Variants in LPAR1 observed in about 807,000 individuals in gnomAD.
LPAR1 encodes lysophosphatidic acid receptor 1, also known as LPA receptor 1.
In LPAR1, 5 loss-of-function variants were observed where a neutral mutation model predicts 23.8. That is an observed-to-expected ratio of 0.21 (90% CI 0.11 to 0.44). LPAR1 has a LOEUF of 0.44. LPAR1 is among the 20% of genes least tolerant of loss of function. The probability of loss-of-function intolerance (pLI) is 0.99; values close to 1 mark genes in which losing one functional copy is unlikely to be tolerated. For synonymous variants in LPAR1, 160 were observed against 164.7 expected (o/e 0.97, Z 0.22); for missense variants, 311 against 482.8 (o/e 0.64, Z 3.33).
chr9:111,024,596 C>T (rs905957233), intron 2 of LPAR1, among the ~76,000 whole-genome samples: 2 of 148,924 alleles, frequency 1.3e-5, no homozygotes, highest in Non-Finnish European at 3.0e-5. Context: ...TTCTGGGATA[C>T]ATGTGCAGGT....
chr9:110,928,062 T>C (rs1426674324), intron 5 of LPAR1, among the ~76,000 whole-genome samples: 2 of 152,144 alleles, frequency 1.3e-5, no homozygotes, highest in East Asian at 3.8e-4. Flanking sequence ...TGTCCCATGA[T>C]CTCAATAAGC....
intron 5 of LPAR1, among the ~76,000 whole-genome samples, chr9:110,888,086 G>A (rs2082897330): frequency 6.6e-6 from 1 of 152,024 alleles, no homozygotes; most frequent in Admixed American, 6.6e-5. Flanking sequence ...CCTTAATGGA[G>A]GATAAAATTC....
chr9:111,001,827 T>C (rs2097133776), intron 2 of LPAR1, among the ~76,000 whole-genome samples: 2 of 152,158 alleles, frequency 1.3e-5, no homozygotes, highest in Admixed American at 1.3e-4. Context: ...TTCCTTCCCC[T>C]CCAAAGAAAG....
At chr9:110,991,971 A>T (rs908539008) in intron 2 of LPAR1, among the ~76,000 whole-genome samples, 14 of 148,128 alleles carry the variant, frequency 9.5e-5, no homozygotes, top group Admixed American at 9.0e-4. Flanking sequence ...TTCTGGATAA[A>T]ACTAACTTAA....
intron 5 of LPAR1, among the ~76,000 whole-genome samples, chr9:110,887,260 T>C (rs1455343847): frequency 1.3e-5 from 2 of 151,958 alleles, no homozygotes; most frequent in African/African-American, 4.8e-5. Context: ...TTTCTTACTA[T>C]CAAAATGGGG....
intron 2 of LPAR1, among the ~76,000 whole-genome samples, chr9:110,998,863 T>C (rs2097074003): frequency 6.6e-6 from 1 of 152,340 alleles, no homozygotes; most frequent in East Asian, 1.9e-4. Flanking sequence ...AATGCATAGA[T>C]AGATTTCTTA....
chr9:110,886,364 CAA>C (rs3030132), intron 5 of LPAR1, among the ~76,000 whole-genome samples: 1 of 112,798 alleles, frequency 8.9e-6, no homozygotes. Context: ...AACTCCATCT[CAA>C]AAAAAAAAAA....
At chr9:110,938,958 G>C (rs1382551715) in intron 5 of LPAR1, among the ~76,000 whole-genome samples, 1 of 152,168 alleles carries the variant, frequency 6.6e-6, no homozygotes, top group Non-Finnish European at 1.5e-5. Flanking sequence ...CTATGAGATA[G>C]CCCTGCTCTG....
chr9:110,886,067 G>A (rs1029750163), intron 5 of LPAR1, among the ~76,000 whole-genome samples: 6 of 152,060 alleles, frequency 3.9e-5, no homozygotes, highest in Non-Finnish European at 7.4e-5. Context: ...GTGTGATGGC[G>A]GGTGCCTGTA....
intron 2 of LPAR1, among the ~76,000 whole-genome samples, chr9:111,016,475 T>C (rs952425388): frequency 6.6e-6 from 1 of 152,190 alleles, no homozygotes; most frequent in Non-Finnish European, 1.5e-5. Context: ...TCTTGCAAAC[T>C]CTGGCCAAAG....
At chr9:110,947,246 T>TTA (rs1398104989) in intron 4 of LPAR1, among the ~76,000 whole-genome samples, 1 of 152,156 alleles carries the variant, frequency 6.6e-6, no homozygotes, top group Non-Finnish European at 1.5e-5. Context: ...AAAAAGCTCA[T>TTA]TATAAAATCC....
At chr9:110,965,926 C>T (rs570861620) in intron 4 of LPAR1, among the ~76,000 whole-genome samples, 1 of 152,310 alleles carries the variant, frequency 6.6e-6, no homozygotes, top group South Asian at 2.1e-4. Flanking sequence ...ACATATACAC[C>T]ATGGAATACT....
chr9:110,960,365 T>C (rs1270346780), intron 4 of LPAR1, among the ~76,000 whole-genome samples: 1 of 152,196 alleles, frequency 6.6e-6, no homozygotes. Flanking sequence ...AAGCCTACTA[T>C]ATATTTTTTA....
intron 2 of LPAR1, among the ~76,000 whole-genome samples, chr9:111,021,519 T>C (rs938145120): frequency 2.0e-5 from 3 of 152,226 alleles, no homozygotes; most frequent in Non-Finnish European, 4.4e-5. Context: ...ATGTGGAATA[T>C]ATATAACTTA....
chr9:110,998,318 G>A (rs1469853509), intron 2 of LPAR1, among the ~76,000 whole-genome samples: 1 of 152,136 alleles, frequency 6.6e-6, no homozygotes, highest in African/African-American at 2.4e-5. Flanking sequence ...TGGCAGAAAA[G>A]GCAAATTTGG....
At chr9:110,911,707 T>G (rs945634886) in intron 5 of LPAR1, among the ~76,000 whole-genome samples, 2 of 152,222 alleles carry the variant, frequency 1.3e-5, no homozygotes, top group African/African-American at 4.8e-5. Flanking sequence ...ATGCACATAC[T>G]TTTTTAAGAC....
chr9:111,016,944 A>C (rs1261956571), intron 2 of LPAR1, among the ~76,000 whole-genome samples: 1 of 152,182 alleles, frequency 6.6e-6, no homozygotes, highest in Admixed American at 6.5e-5. Context: ...GTAAGATTGT[A>C]TTTGGAGACA....
At position 110,891,537 on chromosome 9, in the gene LPAR1, C is replaced by T. The variant is rs567265113; in HGVS notation, c.794-15815G>A. Among the ~76,000 whole-genome samples, 18 of 152,152 alleles carry T rather than the reference C, an allele frequency of 1.2e-4. No individual in the cohort carries two copies. The South Asian group carries it at 3.7e-3, about 32-fold the overall frequency. On this transcript the variant is annotated intron_variant, in intron 5 of 5. Coordinates refer to ENST00000683809, the MANE Select transcript of LPAR1 (RefSeq NM_001351411.2). ...AGGAGGATAAACGAGATTAGTGGCA[C>T]ACATTAAAATCTAAAAACGGATCTC...
At position 110,938,592 on chromosome 9, in the gene LPAR1, G is replaced by A. The variant is rs141498060; in HGVS notation, c.793+2829C>T. Among the ~76,000 whole-genome samples the A allele has an allele frequency of 1.8e-3, 280 of 151,998 alleles. 2 individuals are homozygous for A. The highest frequency in any genetic ancestry group is 6.5e-3 in the African/African-American group (269 of 41,444). ...TGGGGGCCCAGGCATGGTGGCTTAT[G>A]CCTGCAATCCCAGCATTTTGGGAGG... On this transcript the variant is annotated intron_variant, in intron 5 of 5. Transcript: ENST00000683809.
Sources: gnomAD v4.1 joint callset for allele counts (sites outside exome capture counted in the v4.1 genomes callset) on GRCh38, gnomAD v4.1.1 for gene constraint, MANE v1.5 for transcripts, NCBI Gene and HGNC (gene_info 2026-07-23, HGNC 2026-07-21) for gene names.